Variants in MIS18A observed in about 807,000 individuals in gnomAD.
MIS18A encodes protein Mis18-alpha.
In MIS18A, 14 loss-of-function variants were observed where a neutral mutation model predicts 25.0. The ratio of observed to expected loss-of-function variants is 0.56; its 90% CI spans 0.37 to 0.88. The LOEUF (loss-of-function observed/expected upper bound fraction) is 0.88, where lower values mean the gene tolerates loss of function less well. MIS18A is among the 40% of genes least tolerant of loss of function. The probability of loss-of-function intolerance (pLI) is 0.00; values close to 1 mark genes in which losing one functional copy is unlikely to be tolerated. For synonymous variants in MIS18A, 134 were observed against 118.6 expected, an observed-to-expected ratio of 1.13 and a Z score of -0.84; for missense variants, 292 against 290.8, an observed-to-expected ratio of 1.00 and a Z score of -0.03.
At chr21:32,242,934 AAG>A in the MIS18A span, among the ~76,000 whole-genome samples, 1 of 152,220 alleles carries the variant, frequency 6.6e-6, no homozygotes, top group Non-Finnish European at 1.5e-5. Context: ...GGCAGAACAA[AAG>A]AGAGCACCTG....
chr21:32,197,056 T>A, the MIS18A span, among the ~76,000 whole-genome samples: 1 of 152,168 alleles, frequency 6.6e-6, no homozygotes, highest in Non-Finnish European at 1.5e-5. Context: ...AAAGACCTAT[T>A]GAGAATAACA....
At chr21:32,207,149 A>G in the MIS18A span, among the ~76,000 whole-genome samples, 1 of 152,244 alleles carries the variant, frequency 6.6e-6, no homozygotes, top group African/African-American at 2.4e-5. Flanking sequence ...AAATTACCAG[A>G]ATACGAGGCG....
At chr21:32,247,901 C>A in the MIS18A span, among the ~76,000 whole-genome samples, 2 of 152,188 alleles carry the variant, frequency 1.3e-5, no homozygotes, top group African/African-American at 4.8e-5. Context: ...ACCCAGTCCC[C>A]ATCCTACTCA....
intron 1 of MIS18A, 137 bp downstream of exon 1, chr21:32,278,544 T>C (rs2031861766): frequency 1.1e-6 from 1 of 940,174 alleles, no homozygotes; most frequent in African/African-American, 1.7e-5. Flanking sequence ...CTGCCACAGC[T>C]CACACTCTCA....
At chr21:32,197,832 T>C in the MIS18A span, 1 of 152,232 alleles carries the variant, frequency 6.6e-6, no homozygotes, top group Admixed American at 6.5e-5. Context: ...CAGCACTTCA[T>C]GGTTGGCCCC....
chr21:32,210,953 A>T, the MIS18A span, among the ~76,000 whole-genome samples: 4 of 152,186 alleles, frequency 2.6e-5, no homozygotes, highest in African/African-American at 9.7e-5. Context: ...TACTTTCCTG[A>T]GTCTGCCTCC....
At chr21:32,157,444 A>T in the MIS18A span, among the ~76,000 whole-genome samples, 1 of 151,486 alleles carries the variant, frequency 6.6e-6, no homozygotes, top group Non-Finnish European at 1.5e-5. Context: ...CAAGCTCTTA[A>T]ATTTTGTAGC....
chr21:32,253,638 C>T, the MIS18A span, among the ~76,000 whole-genome samples: 2 of 152,142 alleles, frequency 1.3e-5, no homozygotes, highest in South Asian at 4.2e-4. Context: ...GCCCCCACTG[C>T]AATCACACAG....
intron 1 of MIS18A, among the ~76,000 whole-genome samples, chr21:32,277,194 TC>T (rs2031829823): frequency 1.3e-5 from 2 of 152,218 alleles, no homozygotes; most frequent in Admixed American, 6.5e-5. Flanking sequence ...AATGTATAGT[TC>T]TTTAAATTTT....
the MIS18A span, among the ~76,000 whole-genome samples, chr21:32,246,818 G>A: frequency 6.6e-6 from 1 of 152,218 alleles, no homozygotes; most frequent in Non-Finnish European, 1.5e-5. Context: ...AGCTGGGGCA[G>A]ACAAGCTGAT....
Position 32,269,812 on chromosome 21 carries a change from C to T in MIS18A, c.525-9G>A, listed in dbSNP as rs757117147. ...AGGACCCTAAAACATAACTGAAGTA[C>T]GGTACAAGGTTAAAATACAAGCTGG... is the stretch of plus-strand genomic sequence containing the variant. On this transcript the variant is annotated splice_polypyrimidine_tract_variant and intron_variant, in intron 3 of 4. Coordinates refer to ENST00000290130, the MANE Select transcript of MIS18A (RefSeq NM_018944.3). 1.1e-5 allele frequency: 17 copies of T among 1,523,138 alleles called. No individual in the cohort carries two copies. Among genetic ancestry groups the T allele is most frequent in the South Asian group, 4.5e-5 (4 of 89,160 alleles). The allele number at this position is 1,523,138 out of a possible 1,614,324, so 94.4% of individuals were successfully genotyped here. A position where few individuals can be genotyped will look rare whatever the true frequency, so the allele number is the denominator to read the frequency against.
the MIS18A span, among the ~76,000 whole-genome samples, chr21:32,192,850 C>T: frequency 3.9e-5 from 6 of 152,184 alleles, no homozygotes; most frequent in Non-Finnish European, 7.3e-5. Context: ...GAAGCTCTGG[C>T]GGTCTTTGTG....
the MIS18A span, among the ~76,000 whole-genome samples, chr21:32,184,149 T>C: frequency 1.3e-5 from 2 of 152,326 alleles, no homozygotes; most frequent in Admixed American, 6.5e-5. Flanking sequence ...AACTGCCACC[T>C]GGGCATGACT....
At chr21:32,155,428 G>A in the MIS18A span, among the ~76,000 whole-genome samples, 2 of 152,176 alleles carry the variant, frequency 1.3e-5, no homozygotes, top group South Asian at 4.1e-4. Flanking sequence ...AGACCCAGTG[G>A]ATGTCAAATG....
intron 4 of MIS18A, 38 bp downstream of exon 4, chr21:32,269,669 G>T: frequency 7.8e-7 from 1 of 1,276,236 alleles, no homozygotes; most frequent in Non-Finnish European, 1.1e-6. Context: ...CTGACAAACT[G>T]TTCATACAAA....
the MIS18A span, among the ~76,000 whole-genome samples, chr21:32,164,837 C>T: frequency 6.6e-6 from 1 of 152,104 alleles, no homozygotes; most frequent in African/African-American, 2.4e-5. Flanking sequence ...AGTTCTGTTA[C>T]TGTTATGGTA....
chr21:32,253,405 T>G, the MIS18A span, among the ~76,000 whole-genome samples: 1 of 112,624 alleles, frequency 8.9e-6, no homozygotes, highest in Admixed American at 9.5e-5. Flanking sequence ...CCACCCCCCA[T>G]TAGGCCTGCT....
At chr21:32,157,697 T>C in the MIS18A span, among the ~76,000 whole-genome samples, 3 of 152,134 alleles carry the variant, frequency 2.0e-5, no homozygotes, top group African/African-American at 7.2e-5. Flanking sequence ...TTGCCCTAGA[T>C]TGTTTATTTT....
the MIS18A span, among the ~76,000 whole-genome samples, chr21:32,179,538 C>A: frequency 6.6e-6 from 1 of 152,224 alleles, no homozygotes; most frequent in Admixed American, 6.5e-5. Context: ...CCAGTTGCAG[C>A]ACTGATGTGC....
Sources: gnomAD v4.1 joint callset for allele counts (sites outside exome capture counted in the v4.1 genomes callset) on GRCh38, gnomAD v4.1.1 for gene constraint, MANE v1.5 for transcripts, NCBI Gene and HGNC (gene_info 2026-07-23, HGNC 2026-07-21) for gene names.